Variants in IPCEF1 observed in about 807,000 individuals in gnomAD.
The protein encoded by IPCEF1 is interactor protein for cytohesin exchange factors 1.
IPCEF1 carries 31 observed loss-of-function variants against 50.9 expected under a neutral mutation model. The ratio of observed to expected loss-of-function variants is 0.61; its 90% CI spans 0.46 to 0.82. IPCEF1 has a LOEUF of 0.82. Ranked by LOEUF, IPCEF1 falls within the 40% of genes least tolerant of loss-of-function variation. IPCEF1 has a pLI of 0.00. For synonymous variants in IPCEF1, 181 were observed against 192.0 expected, an observed-to-expected ratio of 0.94 and a Z score of 0.47; for missense variants, 458 against 514.0, an observed-to-expected ratio of 0.89 and a Z score of 1.05.
chr6:154,199,420 T>C (rs1198765553), intron 10 of IPCEF1, among the ~76,000 whole-genome samples: 6 of 152,244 alleles, frequency 3.9e-5, no homozygotes, highest in African/African-American at 1.4e-4. Context: ...CATTATTTTA[T>C]GATCACATGT....
chr6:154,337,157 CACAA>C (rs748171344), intron 1 of IPCEF1, among the ~76,000 whole-genome samples: 5 of 151,992 alleles, frequency 3.3e-5, no homozygotes, highest in Non-Finnish European at 4.4e-5. Context: ...AAAAAATGTG[CACAA>C]ACATACTCAA....
At chr6:154,277,541 G>C (rs532291981) in intron 2 of IPCEF1, among the ~76,000 whole-genome samples, 2 of 152,212 alleles carry the variant, frequency 1.3e-5, no homozygotes, top group East Asian at 3.9e-4. Context: ...TTTCAATAGC[G>C]CATTTTTTTA....
chr6:154,280,381 C>T (rs1782175786), intron 2 of IPCEF1, among the ~76,000 whole-genome samples: 1 of 151,668 alleles, frequency 6.6e-6, no homozygotes, highest in African/African-American at 2.4e-5. Flanking sequence ...GCCTGGGCAA[C>T]AAAGTGAAAC....
At chr6:154,256,928 G>C (rs1781476209) in intron 3 of IPCEF1, among the ~76,000 whole-genome samples, 1 of 152,212 alleles carries the variant, frequency 6.6e-6, no homozygotes, top group African/African-American at 2.4e-5. Context: ...GTTTGTGTTA[G>C]ATGATTTTGC....
intron 10 of IPCEF1, among the ~76,000 whole-genome samples, chr6:154,180,237 G>A (rs1261368266): frequency 6.6e-6 from 1 of 152,006 alleles, no homozygotes; most frequent in African/African-American, 2.4e-5. Context: ...GTTAATGTCA[G>A]TGACCCTTCA....
At chr6:154,327,904 G>A (rs1038767036) in intron 1 of IPCEF1, among the ~76,000 whole-genome samples, 3 of 152,176 alleles carry the variant, frequency 2.0e-5, no homozygotes, top group African/African-American at 7.2e-5. Context: ...GAAGGAAGGA[G>A]ATCACGTCCT....
chr6:154,301,043 T>C (rs1338679025), intron 1 of IPCEF1, among the ~76,000 whole-genome samples: 1 of 152,178 alleles, frequency 6.6e-6, no homozygotes, highest in Non-Finnish European at 1.5e-5. Context: ...AAAGCATATT[T>C]TACAGTCAAT....
intron 5 of IPCEF1, among the ~76,000 whole-genome samples, chr6:154,232,975 T>C (rs1193987785): frequency 2.6e-5 from 4 of 151,322 alleles, no homozygotes; most frequent in Middle Eastern, 3.4e-3. Flanking sequence ...TTTTCTTTTT[T>C]TTTTTTTTTT....
intron 9 of IPCEF1, among the ~76,000 whole-genome samples, chr6:154,208,241 G>A (rs911757760): frequency 7.9e-5 from 12 of 152,112 alleles, no homozygotes; most frequent in South Asian, 2.1e-4. Context: ...TTCACCCCGC[G>A]TCAGCCACAG....
chr6:154,255,847 A>T (rs9478528), intron 3 of IPCEF1, among the ~76,000 whole-genome samples: 81,886 of 151,992 alleles, frequency 0.54, 22,783 homozygotes, highest in East Asian at 0.94. Context: ...TCTTTTCTGA[A>T]ATTTATAAAT....
chr6:154,338,617 A>C (rs1783838867), intron 1 of IPCEF1, among the ~76,000 whole-genome samples: 1 of 152,210 alleles, frequency 6.6e-6, no homozygotes, highest in Non-Finnish European at 1.5e-5. Flanking sequence ...CTGTGGGCTG[A>C]TAAACGTCTG....
chr6:154,341,714 T>A (rs2128698111), intron 1 of IPCEF1, among the ~76,000 whole-genome samples: 1 of 152,324 alleles, frequency 6.6e-6, no homozygotes, highest in South Asian at 2.1e-4. Context: ...AATTGTGAAA[T>A]CTATTAAATG....
At chr6:154,183,258 C>T (rs1013675492) in intron 10 of IPCEF1, among the ~76,000 whole-genome samples, 2 of 152,004 alleles carry the variant, frequency 1.3e-5, no homozygotes, top group Admixed American at 6.5e-5. Flanking sequence ...GGATTACAGG[C>T]GTGAGCCACC....
At chr6:154,248,913 G>GA (rs1170048962) in intron 3 of IPCEF1, among the ~76,000 whole-genome samples, 1 of 151,742 alleles carries the variant, frequency 6.6e-6, no homozygotes, top group Admixed American at 6.6e-5. Context: ...CTAATAAACA[G>GA]AAAAAAATCA....
rs77503371 is a variant in IPCEF1 at position 154,330,704 on chromosome 6, G to A, written c.-62+25968C>T. Among the ~76,000 whole-genome samples, 18 of 152,192 alleles carry A rather than the reference G, an allele frequency of 1.2e-4. 1 individual carries two copies. The East Asian group carries it at 3.5e-3, about 29-fold the overall frequency. ...ACCAATCCAAGCATTTTCTCTTACA[G>A]CACCCCTCACAAGTATGTTCAGCTG... On this transcript the variant is annotated intron_variant, in intron 1 of 11. Coordinates refer to ENST00000367220, the MANE Select transcript of IPCEF1 (RefSeq NM_001130700.2).
intron 10 of IPCEF1, among the ~76,000 whole-genome samples, chr6:154,187,520 C>T (rs555267297): frequency 1.3e-5 from 2 of 152,326 alleles, no homozygotes; most frequent in East Asian, 3.9e-4. Context: ...ATAGTATTTA[C>T]ATGCTCCTGT....
intron 2 of IPCEF1, among the ~76,000 whole-genome samples, chr6:154,289,271 T>G (rs912816838): frequency 1.3e-5 from 2 of 151,816 alleles, no homozygotes; most frequent in Non-Finnish European, 2.9e-5. Context: ...TCTACTATAA[T>G]TATTAAATAT....
intron 9 of IPCEF1, among the ~76,000 whole-genome samples, chr6:154,209,477 C>A (rs995376290): frequency 6.6e-6 from 1 of 151,846 alleles, no homozygotes; most frequent in Non-Finnish European, 1.5e-5. Flanking sequence ...ATGGCAAAAC[C>A]CTATCTCCAC....
chr6:154,296,572 G>C (rs1188776830), intron 1 of IPCEF1, among the ~76,000 whole-genome samples: 1 of 152,178 alleles, frequency 6.6e-6, no homozygotes, highest in Non-Finnish European at 1.5e-5. Flanking sequence ...GCTCACGCCT[G>C]TAATCCCAGC....
Sources: gnomAD v4.1 joint callset for allele counts (sites outside exome capture counted in the v4.1 genomes callset) on GRCh38, gnomAD v4.1.1 for gene constraint, MANE v1.5 for transcripts, NCBI Gene and HGNC (gene_info 2026-07-23, HGNC 2026-07-21) for gene names.